The following KIF26B variants were observed in gnomAD, a reference collection of about 807,000 sequenced individuals.
The protein encoded by KIF26B is kinesin family member 26B.
KIF26B carries 63 observed loss-of-function variants against 151.2 expected under a neutral mutation model. The ratio of observed to expected loss-of-function variants is 0.42; its 90% CI spans 0.34 to 0.51. The LOEUF (loss-of-function observed/expected upper bound fraction) is 0.51, where lower values mean the gene tolerates loss of function less well. Ranked by LOEUF, KIF26B falls within the 20% of genes least tolerant of loss-of-function variation. The pLI is 0.07. For synonymous variants in KIF26B, 1,357 were observed against 1,262.1 expected (o/e 1.08, Z -1.59); for missense variants, 2,813 against 2,913.6 (o/e 0.97, Z 0.79).
Position 245,560,073 on chromosome 1 carries a change from G to A in KIF26B, c.1350+19123G>A, listed in dbSNP as rs929419039. On this transcript the variant is annotated intron_variant, in intron 5 of 14. Transcript: ENST00000407071. The surrounding 1 kb of genome is among the most constrained non-coding windows in gnomAD (Gnocchi z 4.3). ...TGCTCAGTCCTCAGGCCCAGCTCCC[G>A]TGTCACCTGCCACCTGCAGGCCTTC... Among the ~76,000 whole-genome samples the A allele has an allele frequency of 9.9e-5, 15 of 152,046 alleles. No homozygotes were observed. The highest frequency in any genetic ancestry group is 3.1e-4 in the African/African-American group (13 of 41,402).
intron 4 of KIF26B, among the ~76,000 whole-genome samples, chr1:245,435,311 G>C (rs2103044005): frequency 6.6e-6 from 1 of 152,308 alleles, no homozygotes; most frequent in Admixed American, 6.5e-5. Flanking sequence ...CCCAGGATAG[G>C]ACAGTGAGAA....
intron 2 of KIF26B, among the ~76,000 whole-genome samples, chr1:245,190,071 C>G (rs909275463): frequency 3.0e-4 from 22 of 74,098 alleles, no homozygotes; most frequent in Middle Eastern, 0.011. Context: ...AGCTACAATT[C>G]AAGATGAAAT....
chr1:245,595,007 A>G (rs1407031860), intron 5 of KIF26B, among the ~76,000 whole-genome samples: 1 of 152,154 alleles, frequency 6.6e-6, no homozygotes, highest in African/African-American at 2.4e-5. Context: ...TTTTTGCACA[A>G]TGATTTTGTA....
intron 4 of KIF26B, among the ~76,000 whole-genome samples, chr1:245,449,753 G>A (rs981066124): frequency 3.3e-5 from 5 of 152,212 alleles, no homozygotes; most frequent in African/African-American, 1.2e-4. Context: ...ATTTGAATGA[G>A]GAGGTAAAAT....
At chr1:245,293,586 T>C (rs1406822910) in intron 2 of KIF26B, among the ~76,000 whole-genome samples, 1 of 151,686 alleles carries the variant, frequency 6.6e-6, no homozygotes, top group East Asian at 1.9e-4. Flanking sequence ...TCCTTTTTTT[T>C]TTTTTTTTGG....
Position 245,415,788 on chromosome 1 carries a change from C to CT in KIF26B, c.1000-3775dup, listed in dbSNP as rs781545952. ...GAGCCTCCTGAATCTTCAGCATCTA[C>CT]TTTTTTTTTTTTTTTTGCCTGACAT... On this transcript the variant is annotated intron_variant, in intron 3 of 14. Coordinates refer to ENST00000407071, the MANE Select transcript of KIF26B (RefSeq NM_018012.4). Among the ~76,000 whole-genome samples the CT allele has an allele frequency of 8.7e-3, 1,202 of 137,938 alleles. 13 individuals are homozygous for CT. Among genetic ancestry groups the CT allele is most frequent in the African/African-American group, 0.022 (815 of 37,868 alleles). 90.5% of individuals were successfully genotyped at this position (137,938 alleles called of 152,430 possible).
In KIF26B at chr1:245,685,775, A is replaced by G; in HGVS notation, c.2792A>G (p.Glu931Gly). The change falls in exon 12 of 15, where the codon GAG becomes GGG. Residue 931 changes from glutamate to glycine, a missense_variant. This residue lies in a region of KIF26B where 2,060 missense variants were observed against 2,088.6 expected (regional missense o/e 0.99). Coordinates refer to ENST00000407071, the MANE Select transcript of KIF26B (RefSeq NM_018012.4). ...LKCNTFAELQERLDCIDGSEE... is the reference protein window; with the variant it reads ...LKCNTFAELQGRLDCIDGSEE... ...TGCAACACGTTTGCCGAGCTGCAGG[A>G]GAGGCTGGACTGCATCGACGGCAGC... is the stretch of plus-strand genomic sequence containing the variant. 1 of 1,611,998 alleles carries G rather than the reference A, an allele frequency of 6.2e-7. No homozygotes were observed. Among genetic ancestry groups the G allele is most frequent in the Non-Finnish European group, 8.5e-7 (1 of 1,179,150 alleles).
intron 3 of KIF26B, among the ~76,000 whole-genome samples, chr1:245,376,700 T>A (rs891803510): frequency 1.3e-5 from 2 of 152,202 alleles, no homozygotes; most frequent in Non-Finnish European, 2.9e-5. Context: ...TTATTTATTT[T>A]TTTTTGAGAC....
intron 2 of KIF26B, among the ~76,000 whole-genome samples, chr1:245,186,966 C>T (rs753920053): frequency 6.6e-6 from 1 of 152,064 alleles, no homozygotes; most frequent in Non-Finnish European, 1.5e-5. Flanking sequence ...AAGTGATTCT[C>T]CTGCCTCAGC....
At chr1:245,414,942 C>T (rs894680663) in intron 3 of KIF26B, among the ~76,000 whole-genome samples, 4 of 152,154 alleles carry the variant, frequency 2.6e-5, no homozygotes, top group Non-Finnish European at 4.4e-5. Context: ...GGGAAAAAAA[C>T]GGGAATCAGA....
chr1:245,307,780 G>A (rs1368457961), intron 2 of KIF26B, among the ~76,000 whole-genome samples: 2 of 140,106 alleles, frequency 1.4e-5, no homozygotes, highest in Non-Finnish European at 1.5e-5. Context: ...TCGCTCTGTC[G>A]CCCAGGCTGG....
chr1:245,478,876 A>T lies in KIF26B; in HGVS notation c.1166+59131A>T, dbSNP rs1660102506. 1.3e-5 allele frequency among the ~76,000 whole-genome samples: 2 copies of T among 151,754 alleles called. 1 individual carries two copies. The highest frequency in any genetic ancestry group is 2.9e-5 in the Non-Finnish European group (2 of 67,808). On this transcript the variant is annotated intron_variant, in intron 4 of 14. Transcript: ENST00000407071. ...GTGGGAGCAGTGAAGGGGTTGACAGATTCTGGATGTATTTTGAAGATAGCC... is the reference window on the plus strand; with the variant it reads ...GTGGGAGCAGTGAAGGGGTTGACAGTTTCTGGATGTATTTTGAAGATAGCC...
At chr1:245,333,152 G>A (rs1384247675) in intron 2 of KIF26B, among the ~76,000 whole-genome samples, 1 of 152,152 alleles carries the variant, frequency 6.6e-6, no homozygotes, top group Non-Finnish European at 1.5e-5. Flanking sequence ...CATGTTCACA[G>A]CACATTAGCC....
intron 3 of KIF26B, among the ~76,000 whole-genome samples, chr1:245,416,603 G>C (rs1043677035): frequency 1.3e-5 from 2 of 152,130 alleles, no homozygotes; most frequent in Non-Finnish European, 2.9e-5. Flanking sequence ...TTGAGGCTCT[G>C]TAAAAGCATC....
chr1:245,574,864 CTT>C (rs201010492), intron 5 of KIF26B, among the ~76,000 whole-genome samples: 4 of 126,274 alleles, frequency 3.2e-5, no homozygotes, highest in Non-Finnish European at 3.4e-5. Flanking sequence ...TTTTTTTTTT[CTT>C]TTTTTTTTTT....
chr1:245,362,474 G>A (rs1672846536), intron 2 of KIF26B, among the ~76,000 whole-genome samples: 1 of 151,054 alleles, frequency 6.6e-6, no homozygotes, highest in Admixed American at 6.6e-5. Flanking sequence ...GGAGGCGGAG[G>A]TTGCAGTGAG....
chr1:245,224,490 T>C (rs1193137809), intron 2 of KIF26B, among the ~76,000 whole-genome samples: 1 of 152,236 alleles, frequency 6.6e-6, no homozygotes, highest in African/African-American at 2.4e-5. Flanking sequence ...TTTGCGTATG[T>C]GGCAGTGAAG....
intron 5 of KIF26B, among the ~76,000 whole-genome samples, chr1:245,541,391 GA>G (rs1430466513): frequency 6.6e-6 from 1 of 152,218 alleles, no homozygotes; most frequent in East Asian, 1.9e-4. Context: ...GCAGCCCACT[GA>G]GGGGATTGTG....
chr1:245,198,929 A>G (rs1669239338), intron 2 of KIF26B, among the ~76,000 whole-genome samples: 1 of 1,682 alleles, frequency 5.9e-4, no homozygotes, highest in Admixed American at 8.5e-3. Context: ...GTGGAAAGGA[A>G]GCCCCTGCGG....
Sources: allele counts gnomAD v4.1 joint callset (sites outside exome capture counted in the v4.1 genomes callset), GRCh38; gene constraint gnomAD v4.1.1; regional missense constraint gnomAD v4.1.1; non-coding constraint Gnocchi (gnomAD v3.1); transcripts MANE v1.5; gene names NCBI Gene and HGNC (gene_info 2026-07-23, HGNC 2026-07-21).